The following ANKFN1 variants were observed in gnomAD, a reference collection of about 807,000 sequenced individuals.
ANKFN1 encodes the protein ankyrin repeat and fibronectin type-III domain-containing protein 1.
ANKFN1 carries 74 observed loss-of-function variants against 108.7 expected under a neutral mutation model. The observed-to-expected ratio is 0.68, with a 90% CI of 0.56 to 0.83. The LOEUF (loss-of-function observed/expected upper bound fraction) is 0.83, where lower values mean the gene tolerates loss of function less well. ANKFN1 is among the 40% of genes least tolerant of loss of function. The pLI is 0.00. For synonymous variants in ANKFN1, 547 were observed against 516.2 expected (o/e 1.06, Z -0.81); for missense variants, 1,505 against 1,382.3 (o/e 1.09, Z -1.41).
intron 17 of ANKFN1, 33 bp from the exon 18 acceptor site, chr17:56,482,323 T>C (rs759484542): frequency 1.3e-5 from 20 of 1,539,596 alleles, no homozygotes; most frequent in Non-Finnish European, 1.7e-5. Flanking sequence ...GTTGTAACTC[T>C]CCTATTTTTC....
intron 1 of ANKFN1, among the ~76,000 whole-genome samples, chr17:56,204,937 G>A (rs566658533): frequency 5.9e-5 from 9 of 152,192 alleles, no homozygotes; most frequent in South Asian, 4.2e-4. Context: ...TTAGCCAGGC[G>A]TGGTGGCGGG....
rs906092540 is a variant in ANKFN1, at chr17:56,295,948, G to A, written c.54-30273G>A. ...AAAGGTCCCACCACTTAACACTGTT[G>A]CACTGGGGATTAATTTTCCAACACA... is the stretch of plus-strand genomic sequence containing the variant. On this transcript the variant is annotated intron_variant, in intron 3 of 20. Coordinates refer to ENST00000682825, the MANE Select transcript of ANKFN1 (RefSeq NM_001370326.1). Among the ~76,000 whole-genome samples the A allele has an allele frequency of 3.9e-5, 6 of 152,320 alleles. No homozygotes were observed. In the East Asian group the frequency reaches 1.2e-3, roughly 29 times the overall value.
rs374114602 is a variant in ANKFN1, at chr17:56,204,601, G to A, written c.-70-7997G>A. Among the ~76,000 whole-genome samples, 37 of 150,642 alleles carry A rather than the reference G, an allele frequency of 2.5e-4. No homozygotes were observed. In the East Asian group the frequency reaches 3.2e-3, roughly 13 times the overall value. The stretch of plus-strand genomic sequence containing the variant: ...AGTGATCTGCCCACCTCGGCCTCCC[G>A]AAGTGCTGGGATTACAGGCACAAGT... On this transcript the variant is annotated intron_variant, in intron 1 of 20. Transcript: ENST00000682825.
At position 56,424,354 on chromosome 17, in the gene ANKFN1, T is replaced by G. The variant is rs559656244; in HGVS notation, c.911-15973T>G. On this transcript the variant is annotated intron_variant, in intron 8 of 20. Transcript: ENST00000682825. Reference sequence around the variant, plus strand: ...TGTGTGAGAAGGAGGCACTGGATTTTGAACCCAGACAGACCTGGGTTCAAA... The same window carrying G: ...TGTGTGAGAAGGAGGCACTGGATTTGGAACCCAGACAGACCTGGGTTCAAA... 1.3e-3 allele frequency among the ~76,000 whole-genome samples: 191 copies of G among 152,352 alleles called. 2 individuals are homozygous for G. The highest frequency in any genetic ancestry group is 3.9e-3 in the African/African-American group (161 of 41,598).
intron 20 of ANKFN1, among the ~76,000 whole-genome samples, chr17:56,506,361 A>G (rs1220856255): frequency 1.3e-5 from 2 of 152,104 alleles, no homozygotes; most frequent in Non-Finnish European, 2.9e-5. Context: ...ACCCAATGAA[A>G]AGTTCCCTTA....
intron 19 of ANKFN1, among the ~76,000 whole-genome samples, chr17:56,497,475 A>C (rs1414858551): frequency 6.6e-6 from 1 of 152,140 alleles, no homozygotes; most frequent in Non-Finnish European, 1.5e-5. Context: ...CTAGCTTTTC[A>C]CTCAACTTGG....
intron 1 of ANKFN1, among the ~76,000 whole-genome samples, chr17:56,188,046 G>A (rs542510302): frequency 5.3e-5 from 8 of 152,224 alleles, no homozygotes; most frequent in East Asian, 3.9e-4. Context: ...AAACCTGCAC[G>A]TTGTGCACAT....
chr17:56,351,813 T>C (rs1283942680), intron 5 of ANKFN1, among the ~76,000 whole-genome samples: 1 of 152,168 alleles, frequency 6.6e-6, no homozygotes, highest in Admixed American at 6.5e-5. Context: ...GAGCATAATA[T>C]TAACATGCTC....
At chr17:56,208,092 C>T (rs966596961) in intron 1 of ANKFN1, among the ~76,000 whole-genome samples, 1 of 152,208 alleles carries the variant, frequency 6.6e-6, no homozygotes, top group Non-Finnish European at 1.5e-5. Flanking sequence ...TTGCTGCAAC[C>T]TCCACCTCCC....
intron 3 of ANKFN1, among the ~76,000 whole-genome samples, chr17:56,240,409 G>T (rs1161101330): frequency 6.6e-6 from 1 of 152,038 alleles, no homozygotes; most frequent in African/African-American, 2.4e-5. Context: ...TCCATTGCAT[G>T]AATATATTGC....
intron 18 of ANKFN1, among the ~76,000 whole-genome samples, chr17:56,484,165 AGTG>A (rs2050790087): frequency 1.3e-5 from 2 of 152,190 alleles, no homozygotes; most frequent in Non-Finnish European, 1.5e-5. Context: ...GAAGAGAACA[AGTG>A]GTCCAGTTTG....
At chr17:56,416,198 A>T (rs1301116317) in intron 8 of ANKFN1, among the ~76,000 whole-genome samples, 6 of 152,216 alleles carry the variant, frequency 3.9e-5, no homozygotes, top group Admixed American at 3.3e-4. Context: ...CAACCAAAGC[A>T]AAAATTCTCA....
chr17:56,218,122 C>T (rs996244022), intron 2 of ANKFN1, among the ~76,000 whole-genome samples: 1 of 152,034 alleles, frequency 6.6e-6, no homozygotes, highest in African/African-American at 2.4e-5. Flanking sequence ...CAGGCATCAC[C>T]TAATCCCCTA....
At chr17:56,065,772 C>T (rs1173577916) in intron 4 of ANKFN1, among the ~76,000 whole-genome samples, 1 of 152,082 alleles carries the variant, frequency 6.6e-6, no homozygotes, top group African/African-American at 2.4e-5. Context: ...ATAGAAACAT[C>T]ACAGATCACT....
chr17:56,276,821 C>T (rs1161158896), intron 3 of ANKFN1, among the ~76,000 whole-genome samples: 1 of 152,008 alleles, frequency 6.6e-6, no homozygotes, highest in Admixed American at 6.5e-5. Context: ...AATAACTTAC[C>T]TCTCCTCCAA....
At chr17:56,212,221 T>G (rs542059809) in intron 1 of ANKFN1, among the ~76,000 whole-genome samples, 1 of 152,146 alleles carries the variant, frequency 6.6e-6, no homozygotes, top group African/African-American at 2.4e-5. Flanking sequence ...CCTTCTATGA[T>G]GATTTTGCTG....
intron 4 of ANKFN1, 38 bp from the exon 5 acceptor site, chr17:56,350,728 G>T: frequency 6.5e-7 from 1 of 1,547,796 alleles, no homozygotes; most frequent in East Asian, 2.3e-5. Context: ...TATAATTTGT[G>T]GTGTAAAAGA....
At chr17:56,143,405 TC>T (rs1308038136) in intron 4 of ANKFN1, among the ~76,000 whole-genome samples, 1 of 151,908 alleles carries the variant, frequency 6.6e-6, no homozygotes, top group East Asian at 1.9e-4. Context: ...CGCCAGCTTG[TC>T]CCCCCAAAAC....
chr17:56,161,075 A>T (rs1359942023), intron 1 of ANKFN1, among the ~76,000 whole-genome samples: 1 of 152,210 alleles, frequency 6.6e-6, no homozygotes, highest in African/African-American at 2.4e-5. Context: ...CACTTTAAGA[A>T]CTATAAAGGT....
Sources: allele counts gnomAD v4.1 joint callset (sites outside exome capture counted in the v4.1 genomes callset), GRCh38; gene constraint gnomAD v4.1.1; transcripts MANE v1.5; gene names NCBI Gene and HGNC (gene_info 2026-07-23, HGNC 2026-07-21).